NDST3: variants seen among roughly 807,000 people sequenced by gnomAD.
NDST3 encodes the protein bifunctional heparan sulfate N-deacetylase/N-sulfotransferase 3.
In NDST3, 58 loss-of-function variants were observed where a neutral mutation model predicts 96.1. The ratio of observed to expected loss-of-function variants is 0.60; its 90% CI spans 0.49 to 0.75. NDST3 has a LOEUF of 0.75. NDST3 is among the 30% of genes least tolerant of loss of function. NDST3 has a pLI of 0.00. For missense variants in NDST3, 788 were observed against 1,034.2 expected (o/e 0.76, Z 3.27); for synonymous variants, 333 against 359.7 (o/e 0.93, Z 0.84).
chr4:118,183,357 T>C (rs1349077594), intron 6 of NDST3, among the ~76,000 whole-genome samples: 1 of 152,156 alleles, frequency 6.6e-6, no homozygotes, highest in East Asian at 1.9e-4. Flanking sequence ...CCTTCTCTTC[T>C]TTCTCATCCT....
intron 12 of NDST3, 55 bp from the exon 13 acceptor site, chr4:118,253,440 TATAA>T (rs1741889667): frequency 7.0e-6 from 8 of 1,145,326 alleles, no homozygotes; most frequent in Non-Finnish European, 1.0e-5. Flanking sequence ...CACCATATCA[TATAA>T]ATTGGTTGAA....
Position 118,240,701 on chromosome 4 carries a change from A to T in NDST3, c.2289+7A>T. ...TTATTTCCCCCCATTTCAGGTATGG[A>T]GTAATAAGGATTTACATCATGTTAG... On this transcript the variant is annotated splice_region_variant and intron_variant, in intron 11 of 13. Coordinates refer to ENST00000296499, the MANE Select transcript of NDST3 (RefSeq NM_004784.3). The T allele has an allele frequency of 6.2e-7, 1 of 1,611,090 alleles. No homozygotes were observed. Among genetic ancestry groups the T allele is most frequent in the Non-Finnish European group, 8.5e-7 (1 of 1,178,564 alleles).
intron 2 of NDST3, among the ~76,000 whole-genome samples, chr4:118,078,219 T>C (rs894647822): frequency 3.9e-5 from 6 of 152,136 alleles, no homozygotes; most frequent in African/African-American, 1.4e-4. Context: ...TATGTCTCCC[T>C]GCTGCCTTGA....
At chr4:118,171,120 C>T (rs1275194365) in intron 6 of NDST3, among the ~76,000 whole-genome samples, 3 of 152,166 alleles carry the variant, frequency 2.0e-5, no homozygotes, top group Non-Finnish European at 4.4e-5. Context: ...ATATCTTCTA[C>T]TTAAACCTTT....
At chr4:118,096,948 G>A (rs1190790287) in intron 2 of NDST3, among the ~76,000 whole-genome samples, 2 of 151,876 alleles carry the variant, frequency 1.3e-5, no homozygotes, top group Admixed American at 1.3e-4. Context: ...AAAGATCAAT[G>A]TTCCAGCTCA....
intron 6 of NDST3, chr4:118,194,853 G>A (rs1737564733): frequency 3.2e-6 from 1 of 310,686 alleles, no homozygotes; most frequent in East Asian, 7.3e-5. Context: ...GCCAGGTGCT[G>A]TGGTGCTGAC....
Position 118,149,401 on chromosome 4 carries a change from TC to T in NDST3, c.1539+5719del, listed in dbSNP as rs529376735. On this transcript the variant is annotated intron_variant, in intron 6 of 13. Transcript: ENST00000296499. ...CCTACCCAAGAGCATGGAATGTTCT[TC>T]CATTTGTTTGTATCCTCTTTTATTT... Among the ~76,000 whole-genome samples the T allele has an allele frequency of 5.1e-3, 780 of 151,842 alleles. 6 individuals are homozygous for T. Among genetic ancestry groups the T allele is most frequent in the Non-Finnish European group, 8.5e-3 (576 of 67,906 alleles).
chr4:118,251,799 T>C (rs1437648546), intron 12 of NDST3, among the ~76,000 whole-genome samples: 1 of 152,234 alleles, frequency 6.6e-6, no homozygotes, highest in Non-Finnish European at 1.5e-5. Context: ...ATATGTACTT[T>C]AGAATAATTT....
In NDST3 at chr4:118,065,250, A is replaced by G. The variant is rs950875815; in HGVS notation, c.981+10359A>G. 4.3e-4 allele frequency among the ~76,000 whole-genome samples: 66 copies of G among 152,076 alleles called. 4 individuals carry two copies. The highest frequency in any genetic ancestry group is 1.5e-5 in the Non-Finnish European group (1 of 67,986). On this transcript the variant is annotated intron_variant, in intron 2 of 13. Transcript: ENST00000296499. The stretch of plus-strand genomic sequence containing the variant: ...CTCAACTCCCGCAAGAAACTCTGCT[A>G]CTCTACTACTGTTTTCCTCACTGGG...
chr4:118,200,388 G>A (rs925858886), intron 6 of NDST3, among the ~76,000 whole-genome samples: 1 of 152,132 alleles, frequency 6.6e-6, no homozygotes, highest in Non-Finnish European at 1.5e-5. Flanking sequence ...TTAGGCTCAA[G>A]GGCTCTTCAG....
intron 3 of NDST3, among the ~76,000 whole-genome samples, chr4:118,106,790 CTT>C (rs1730222309): frequency 6.6e-6 from 1 of 151,852 alleles, no homozygotes; most frequent in Non-Finnish European, 1.5e-5. Context: ...GAATCTGTCT[CTT>C]AAAAAAAAAT....
chr4:118,200,837 T>A (rs1161687065), intron 6 of NDST3, among the ~76,000 whole-genome samples: 1 of 152,168 alleles, frequency 6.6e-6, no homozygotes, highest in Admixed American at 6.5e-5. Context: ...TACAGATTTG[T>A]TACATAGGAA....
At position 118,224,526 on chromosome 4, in the gene NDST3, G is replaced by C; in HGVS notation, c.1575G>C (p.Gly525=). 2 of 1,609,804 alleles carry C rather than the reference G, an allele frequency of 1.2e-6. No individual in the cohort carries two copies. Among genetic ancestry groups the C allele is most frequent in the Non-Finnish European group, 1.7e-6 (2 of 1,178,074 alleles). Residue 525 remains glycine, a synonymous_variant, in exon 7 of 14, where the codon GGG becomes GGC. Coordinates refer to ENST00000296499, the MANE Select transcript of NDST3 (RefSeq NM_004784.3). ...TCATGACCCATTTGTCCAACTATGG[G>C]AATGACCGACTGGGATTATATACAT... The part of the protein sequence containing the change: ...SIFMTHLSNY[G]NDRLGLYTFV...
chr4:118,145,404 T>C (rs1733868315), intron 6 of NDST3, among the ~76,000 whole-genome samples: 1 of 152,238 alleles, frequency 6.6e-6, no homozygotes, highest in African/African-American at 2.4e-5. Context: ...AAGTTCACAG[T>C]AGGATTTTAT....
At chr4:118,057,798 G>C (rs1251457136) in intron 2 of NDST3, among the ~76,000 whole-genome samples, 1 of 152,060 alleles carries the variant, frequency 6.6e-6, no homozygotes, top group Non-Finnish European at 1.5e-5. Context: ...TGTGAAGAAA[G>C]AGAGTGTAGA....
chr4:118,058,637 G>A (rs1725650732), intron 2 of NDST3, among the ~76,000 whole-genome samples: 1 of 7,980 alleles, frequency 1.3e-4, no homozygotes, highest in African/African-American at 1.6e-4. Context: ...GTGTGTGTGC[G>A]CGCGCGCGCA....
intron 3 of NDST3, 33 bp downstream of exon 3, chr4:118,105,138 G>T: frequency 6.6e-7 from 1 of 1,513,922 alleles, no homozygotes; most frequent in Non-Finnish European, 9.2e-7. Flanking sequence ...TCTCATTAAG[G>T]CTTCTCTGAT....
chr4:118,036,462 A>C (rs1035927774), intron 1 of NDST3, among the ~76,000 whole-genome samples: 11 of 152,182 alleles, frequency 7.2e-5, no homozygotes, highest in Admixed American at 2.0e-4. Context: ...AAACAGTAGA[A>C]GTTTACTTTC....
intron 4 of NDST3, among the ~76,000 whole-genome samples, chr4:118,119,087 T>C (rs1366490624): frequency 6.6e-6 from 1 of 152,206 alleles, no homozygotes; most frequent in African/African-American, 2.4e-5. Context: ...ATGTTCCTGA[T>C]AACATAAAAT....
Sources: gnomAD v4.1 joint callset for allele counts (sites outside exome capture counted in the v4.1 genomes callset) on GRCh38, gnomAD v4.1.1 for gene constraint, MANE v1.5 for transcripts, NCBI Gene and HGNC (gene_info 2026-07-23, HGNC 2026-07-21) for gene names.